The following DCDC1 variants were observed in gnomAD, a reference collection of about 807,000 sequenced individuals.
The protein encoded by DCDC1 is doublecortin domain containing 1.
A neutral mutation model predicts 178.3 loss-of-function variants in DCDC1; 200 were observed. That is an observed-to-expected ratio of 1.12 (90% CI 1.00 to 1.26). The LOEUF (loss-of-function observed/expected upper bound fraction) is 1.26. Among genes scored for constraint, DCDC1 ranks in the 50% most tolerant of loss-of-function variants. DCDC1 has a pLI of 0.00. For missense variants in DCDC1, 1,983 were observed against 1,749.2 expected (o/e 1.13, Z -2.38); for synonymous variants, 690 against 604.8 (o/e 1.14, Z -2.07).
intron 17 of DCDC1, among the ~76,000 whole-genome samples, chr11:31,081,565 ATGCCAT>A (rs1410945871): frequency 6.6e-6 from 1 of 152,100 alleles, no homozygotes; most frequent in Admixed American, 6.6e-5. Flanking sequence ...AGCCAAGATC[ATGCCAT>A]TGCACTGCAG....
intron 11 of DCDC1, among the ~76,000 whole-genome samples, chr11:31,123,379 G>C (rs1158781447): frequency 6.6e-6 from 1 of 152,048 alleles, no homozygotes; most frequent in Non-Finnish European, 1.5e-5. Context: ...TGAAGTGTAT[G>C]ACCTATTTCA....
intron 12 of DCDC1, 56 bp from the exon 13 acceptor site, chr11:31,107,016 G>A (rs1958894456): frequency 1.4e-6 from 1 of 693,328 alleles, no homozygotes; most frequent in Admixed American, 2.4e-5. Flanking sequence ...ACCTAAAATG[G>A]GAACATCTGT....
intron 9 of DCDC1, among the ~76,000 whole-genome samples, chr11:31,213,775 G>C (rs1373302211): frequency 1.3e-5 from 2 of 151,158 alleles, no homozygotes; most frequent in Non-Finnish European, 2.9e-5. Flanking sequence ...CATGTAAAGA[G>C]GTCCATGACA....
chr11:31,014,950 CTTTT>C (rs1240423918), intron 20 of DCDC1, among the ~76,000 whole-genome samples: 1 of 141,292 alleles, frequency 7.1e-6, no homozygotes. Flanking sequence ...TTCTCCTTTT[CTTTT>C]TTTTTTTTTT....
At chr11:30,991,482 A>T (rs1037212339) in intron 20 of DCDC1, among the ~76,000 whole-genome samples, 8 of 152,176 alleles carry the variant, frequency 5.3e-5, no homozygotes, top group African/African-American at 1.9e-4. Context: ...CTTAAGTAAC[A>T]TAAAAGAAAA....
intron 1 of DCDC1, among the ~76,000 whole-genome samples, chr11:31,341,332 T>G (rs932143354): frequency 2.0e-5 from 3 of 152,010 alleles, no homozygotes; most frequent in African/African-American, 7.3e-5. Context: ...ACCCTGCGAG[T>G]AGAATCTCTG....
intron 20 of DCDC1, among the ~76,000 whole-genome samples, chr11:31,033,032 C>A (rs1183157234): frequency 6.6e-6 from 1 of 152,140 alleles, no homozygotes; most frequent in African/African-American, 2.4e-5. Context: ...GCCCTTCCAG[C>A]AATTCCATCC....
intron 8 of DCDC1, among the ~76,000 whole-genome samples, chr11:31,257,722 A>G (rs2137041921): frequency 6.8e-6 from 1 of 146,560 alleles, no homozygotes; most frequent in South Asian, 2.4e-4. Context: ...ACACACACAT[A>G]CACACACACA....
intron 15 of DCDC1, among the ~76,000 whole-genome samples, chr11:31,100,689 C>A (rs1369276480): frequency 6.6e-6 from 1 of 152,028 alleles, no homozygotes; most frequent in Non-Finnish European, 1.5e-5. Flanking sequence ...GTATACAGAG[C>A]AAGAGGAGAA....
chr11:31,024,994 G>A (rs1226699292), intron 20 of DCDC1, among the ~76,000 whole-genome samples: 2 of 151,674 alleles, frequency 1.3e-5, no homozygotes, highest in Non-Finnish European at 3.0e-5. Context: ...TTTAATTTTT[G>A]AAGCTATAAC....
chr11:31,327,648 T>C (rs774004193), intron 3 of DCDC1, among the ~76,000 whole-genome samples: 24 of 151,998 alleles, frequency 1.6e-4, no homozygotes, highest in Non-Finnish European at 2.8e-4. Flanking sequence ...TCCCACAAAG[T>C]AGAAAAAAGG....
rs552561286 is a variant in DCDC1, at chr11:31,127,658, A to C, written c.1315-19T>G. ...TGCTCACCTGAAGGGGTTAAATTAC[A>C]AGAGTTGTTAGCGAGAAGTAATTGT... On this transcript the variant is annotated intron_variant, in intron 10 of 38. Coordinates refer to ENST00000684477, the MANE Select transcript of DCDC1 (RefSeq NM_001387274.1). 7.1e-6 allele frequency: 5 copies of C among 699,964 alleles called. No homozygotes were observed. Among genetic ancestry groups the C allele is most frequent in the African/African-American group, 7.0e-5 (4 of 57,220 alleles). The allele number at this position is 699,964 out of a possible 1,614,324, so 43.4% of individuals were successfully genotyped here. A position where few individuals can be genotyped will look rare whatever the true frequency, so the allele number is the denominator to read the frequency against.
At chr11:31,213,099 GCCTCTCTCTCTCTCTC>G (rs1565441623) in intron 9 of DCDC1, among the ~76,000 whole-genome samples, 1 of 29,456 alleles carries the variant, frequency 3.4e-5, no homozygotes, top group African/African-American at 1.3e-4. Context: ...ATAAAGCCCA[GCCTCTCTCTCTCTCTC>G]TCTCTCTCTC....
chr11:31,097,167 G>A (rs1196253846), intron 15 of DCDC1, among the ~76,000 whole-genome samples: 1 of 152,180 alleles, frequency 6.6e-6, no homozygotes, highest in African/African-American at 2.4e-5. Context: ...CAATGATAAA[G>A]CAATGCATAC....
intron 20 of DCDC1, among the ~76,000 whole-genome samples, chr11:31,033,985 AAT>A (rs1204544916): frequency 7.3e-6 from 1 of 137,300 alleles, no homozygotes; most frequent in Admixed American, 7.3e-5. Flanking sequence ...CTCTAGTAGA[AAT>A]ATAAAAATTA....
At chr11:31,259,187 C>T (rs1944614281) in intron 8 of DCDC1, among the ~76,000 whole-genome samples, 1 of 151,960 alleles carries the variant, frequency 6.6e-6, no homozygotes. Flanking sequence ...CCCATCTCTA[C>T]TAAAAATACA....
At chr11:30,910,726 A>G (rs911038333) in intron 28 of DCDC1, among the ~76,000 whole-genome samples, 2 of 152,168 alleles carry the variant, frequency 1.3e-5, no homozygotes, top group Admixed American at 1.3e-4. Context: ...AAAATGTGAA[A>G]AAAAAAAGAT....
chr11:31,294,808 AAGAAAGAAAGAAAGAAAGAAAG>A (rs1565566971), intron 6 of DCDC1, among the ~76,000 whole-genome samples: 16 of 50,716 alleles, frequency 3.2e-4, no homozygotes, highest in African/African-American at 1.2e-3. Flanking sequence ...AAAAGAAAGA[AAGAAAGAAAGAAAGAAAGAAAG>A]AAAGAAAGAA....
chr11:31,020,583 A>C (rs545188626), intron 20 of DCDC1, among the ~76,000 whole-genome samples: 1 of 152,098 alleles, frequency 6.6e-6, no homozygotes, highest in Admixed American at 6.5e-5. Flanking sequence ...AATATCTCTT[A>C]GATTATTTTA....
Sources: allele counts gnomAD v4.1 joint callset (sites outside exome capture counted in the v4.1 genomes callset), GRCh38; gene constraint gnomAD v4.1.1; transcripts MANE v1.5; gene names NCBI Gene and HGNC (gene_info 2026-07-23, HGNC 2026-07-21).